Variants in MLF1 observed in about 807,000 individuals in gnomAD.
The protein encoded by MLF1 is myeloid leukemia factor 1.
Under a neutral mutation model 38.3 loss-of-function variants are expected in MLF1, and 37 were observed. That is an observed-to-expected ratio of 0.96 (90% CI 0.74 to 1.27). The LOEUF (loss-of-function observed/expected upper bound fraction) is 1.27, where lower values mean the gene tolerates loss of function less well. Among genes scored for constraint, MLF1 ranks in the 50% most tolerant of loss-of-function variants. The probability of loss-of-function intolerance (pLI) is 0.00; values close to 1 mark genes in which losing one functional copy is unlikely to be tolerated. For synonymous variants in MLF1, 95 were observed against 106.5 expected (o/e 0.89, Z 0.66); for missense variants, 331 against 349.2 (o/e 0.95, Z 0.42).
chr3:158,577,429 C>T (rs915947887), intron 1 of MLF1, among the ~76,000 whole-genome samples: 4 of 152,278 alleles, frequency 2.6e-5, no homozygotes, highest in East Asian at 1.9e-4. Flanking sequence ...GCCACATATA[C>T]CTCTCATTCT....
At chr3:158,603,654 A>G (rs1357111290) in intron 7 of MLF1, among the ~76,000 whole-genome samples, 3 of 152,116 alleles carry the variant, frequency 2.0e-5, no homozygotes, top group Non-Finnish European at 2.9e-5. Context: ...CCTGGCCAAC[A>G]TGGTGAAACC....
intron 5 of MLF1, among the ~76,000 whole-genome samples, chr3:158,599,638 A>G (rs776774790): frequency 1.4e-4 from 22 of 152,178 alleles, no homozygotes; most frequent in Non-Finnish European, 2.9e-4. Context: ...ATGAGATTCA[A>G]GCCAATCAAT....
In MLF1 at chr3:158,605,193, CA is replaced by C. The variant is rs1289728341; in HGVS notation, c.849del (p.Lys283AsnfsTer3). The C allele has an allele frequency of 2.5e-6, 4 of 1,610,834 alleles. No individual in the cohort carries two copies. Among genetic ancestry groups the C allele is most frequent in the Non-Finnish European group, 3.4e-6 (4 of 1,178,224 alleles). ...HIKGSSVKSNKK is the reference protein window; with the variant it reads ...HIKGSSVKSNXK ...TCAAAGGCTCATCTGTGAAAAGCAA[CA>C]AAAAATAAATAGCCATGCATTTGAT... On this transcript the variant is annotated frameshift_variant, in exon 8 of 8. Transcript: ENST00000466246. LOFTEE classifies it high-confidence loss of function.
chr3:158,605,280 A>G lies in MLF1; in HGVS notation c.*78A>G, dbSNP rs922881978. On this transcript the variant is annotated 3_prime_UTR_variant, in exon 8 of 8. Transcript: ENST00000466246. The stretch of plus-strand genomic sequence containing the variant: ...GTGCTGGGTAATAAGCATAAGACCA[A>G]TCTCTTGCTGTTAAATCAGTTCTGT... 8.2e-6 allele frequency: 9 copies of G among 1,095,118 alleles called. No homozygotes were observed. Among genetic ancestry groups the G allele is most frequent in the East Asian group, 2.6e-5 (1 of 38,878 alleles). The allele number at this position is 1,095,118 out of a possible 1,614,324, so 67.8% of individuals were successfully genotyped here.
chr3:158,603,202 C>T (rs1445471825), intron 7 of MLF1, among the ~76,000 whole-genome samples: 3 of 152,266 alleles, frequency 2.0e-5, no homozygotes, highest in South Asian at 4.1e-4. Context: ...CCAAAATCCT[C>T]TTAAGGAAAA....
chr3:158,588,583 A>C (rs1184809576), intron 1 of MLF1, among the ~76,000 whole-genome samples: 1 of 139,220 alleles, frequency 7.2e-6, no homozygotes, highest in Non-Finnish European at 1.5e-5. Context: ...CCTGGGCAAG[A>C]GAGCGAGACT....
In MLF1 at chr3:158,598,139, T is replaced by C; in HGVS notation, c.384T>C (p.Tyr128=). ...HSFCSSSVMT[Y]SKIGDEPPKV... is the part of the protein sequence containing the mutation. ...TTTGTTCTTCCTCAGTTATGACTTA[T>C]TCCAAAATAGGAGATGAACCGCCAA... is the stretch of plus-strand genomic sequence containing the variant. The change falls in exon 5 of 8, where the codon TAT becomes TAC. Residue 128 remains tyrosine (Y), a synonymous_variant. Transcript: ENST00000466246. 6.2e-7 allele frequency: 1 copy of C among 1,613,944 alleles called. No homozygotes were observed. Among genetic ancestry groups the C allele is most frequent in the Non-Finnish European group, 8.5e-7 (1 of 1,179,872 alleles).
At chr3:158,597,899 G>C (rs1401277191) in intron 4 of MLF1, among the ~76,000 whole-genome samples, 181 bp from the exon 5 acceptor site, 15 of 152,068 alleles carry the variant, frequency 9.9e-5, no homozygotes, top group Admixed American at 9.8e-4. Context: ...GACTTTTTTT[G>C]GGCGGAGGTA....
chr3:158,599,635 T>C (rs577098368), intron 5 of MLF1, among the ~76,000 whole-genome samples: 21 of 152,282 alleles, frequency 1.4e-4, no homozygotes, highest in Non-Finnish European at 2.6e-4. Flanking sequence ...ATCATGAGAT[T>C]CAAGCCAATC....
chr3:158,592,589 C>A lies in MLF1; in HGVS notation c.195+8C>A. 1 of 1,571,342 alleles carries A rather than the reference C, an allele frequency of 6.4e-7. No individual in the cohort carries two copies. Among genetic ancestry groups the A allele is most frequent in the Non-Finnish European group, 8.6e-7 (1 of 1,161,214 alleles). On this transcript the variant is annotated splice_region_variant and intron_variant, in intron 2 of 7. Coordinates refer to ENST00000466246, the MANE Select transcript of MLF1 (RefSeq NM_001369783.1). ...GGTGAAGATTCTTTGACTGTAAGTT[C>A]TTTTTTTTAAGACAGTTAGTGAGAA...
At chr3:158,603,517 A>C (rs1319166758) in intron 7 of MLF1, among the ~76,000 whole-genome samples, 1 of 152,160 alleles carries the variant, frequency 6.6e-6, no homozygotes, top group Non-Finnish European at 1.5e-5. Flanking sequence ...AGAAAAATAA[A>C]TTTGCTGAAA....
At chr3:158,596,586 T>C (rs1050785300) in intron 3 of MLF1, among the ~76,000 whole-genome samples, 3 of 152,202 alleles carry the variant, frequency 2.0e-5, no homozygotes, top group African/African-American at 7.2e-5. Flanking sequence ...ATTAGGTGTG[T>C]ATGTGTTTTT....
intron 1 of MLF1, among the ~76,000 whole-genome samples, chr3:158,584,447 A>G (rs932276940): frequency 1.3e-5 from 2 of 152,192 alleles, no homozygotes. Context: ...ATACAACATA[A>G]TATCCACAAT....
chr3:158,579,102 T>A (rs764686928), intron 1 of MLF1, among the ~76,000 whole-genome samples: 3 of 152,146 alleles, frequency 2.0e-5, no homozygotes, highest in Non-Finnish European at 4.4e-5. Context: ...ACTCTTTGTG[T>A]ACATGAAATG....
At chr3:158,580,315 G>A (rs1370327445) in intron 1 of MLF1, among the ~76,000 whole-genome samples, 2 of 151,436 alleles carry the variant, frequency 1.3e-5, no homozygotes, top group African/African-American at 4.8e-5. Flanking sequence ...AAGATTTTGT[G>A]AGGTGGAAAA....
At chr3:158,588,218 T>G (rs1717551591) in intron 1 of MLF1, among the ~76,000 whole-genome samples, 1 of 152,150 alleles carries the variant, frequency 6.6e-6, no homozygotes, top group Non-Finnish European at 1.5e-5. Flanking sequence ...TTGAGATGAC[T>G]AAAGCCTCAA....
intron 6 of MLF1, among the ~76,000 whole-genome samples, chr3:158,602,601 A>G (rs1275783913): frequency 1.3e-5 from 2 of 152,222 alleles, no homozygotes; most frequent in Non-Finnish European, 2.9e-5. Flanking sequence ...ATCAATAACT[A>G]GATCATCAGT....
Position 158,605,547 on chromosome 3 carries a change from A to G in MLF1, c.*345A>G, listed in dbSNP as rs1720405334. ...AGATTGATTGCAGAGCAGTTCTATC[A>G]CTTATAATTAGTTATAAGAAATTAT... On this transcript the variant is annotated 3_prime_UTR_variant, in exon 8 of 8. Coordinates refer to ENST00000466246, the MANE Select transcript of MLF1 (RefSeq NM_001369783.1). The G allele has an allele frequency of 4.6e-6, 1 of 216,434 alleles. No homozygotes were observed. Among genetic ancestry groups the G allele is most frequent in the African/African-American group, 2.3e-5 (1 of 44,202 alleles). The allele number at this position is 216,434 out of a possible 1,614,324, so 13.4% of individuals were successfully genotyped here.
intron 6 of MLF1, among the ~76,000 whole-genome samples, chr3:158,601,522 A>G (rs1719747402): frequency 6.6e-6 from 1 of 152,084 alleles, no homozygotes; most frequent in Non-Finnish European, 1.5e-5. Context: ...GTGAGCCAAG[A>G]TCGAGCCCTT....
Sources: gnomAD v4.1 joint callset for allele counts (sites outside exome capture counted in the v4.1 genomes callset) on GRCh38, gnomAD v4.1.1 for gene constraint, MANE v1.5 for transcripts, NCBI Gene and HGNC (gene_info 2026-07-23, HGNC 2026-07-21) for gene names.